Variants in PDE4D observed in about 807,000 individuals in gnomAD.
The protein encoded by PDE4D is phosphodiesterase 4D.
In PDE4D, 24 loss-of-function variants were observed where a neutral mutation model predicts 87.4. That is an observed-to-expected ratio of 0.27 (90% confidence interval 0.20 to 0.39). The LOEUF is 0.39. Among genes scored for constraint, PDE4D ranks in the 10% least tolerant of loss-of-function variants. PDE4D has a pLI of 1.00. For synonymous variants in PDE4D, 384 were observed against 383.2 expected (o/e 1.00, Z -0.02); for missense variants, 714 against 1,041.0 (o/e 0.69, Z 4.32).
intron 1 of PDE4D, among the ~76,000 whole-genome samples, chr5:59,329,683 T>C (rs779306377): frequency 6.6e-6 from 1 of 152,202 alleles, no homozygotes; most frequent in Non-Finnish European, 1.5e-5. Context: ...TTCTTCATCA[T>C]CTTGTGTTAT....
intron 1 of PDE4D, among the ~76,000 whole-genome samples, chr5:59,817,758 A>ACG (rs1285297159): frequency 7.3e-6 from 1 of 136,180 alleles, no homozygotes; most frequent in East Asian, 2.1e-4. Context: ...CCCCACACAC[A>ACG]CACAGAAAGG....
Position 60,195,582 on chromosome 5 carries a change from C to G in PDE4D, c.-89-9895G>C, listed in dbSNP as rs543716414. 2.5e-4 allele frequency among the ~76,000 whole-genome samples: 38 copies of G among 151,700 alleles called. 2 individuals are homozygous for G. The highest frequency in any genetic ancestry group is 1.6e-3 in the Admixed American group (25 of 15,206). ...CAATCTATTTTACTAATTCATTCAC[C>G]AGACATTTACTGGACACTTGTGGTA... On this transcript the variant is annotated intron_variant, in intron 1 of 16. Coordinates refer to the PDE4D transcript ENST00000502484.
rs77079954 is a variant in PDE4D, at chr5:60,254,489, C to T, written c.-89-68802G>A. On this transcript the variant is annotated intron_variant, in intron 1 of 16. Transcript: ENST00000502484. Reference sequence around the variant, plus strand: ...CATATCTTTTGCCAGAATCCATTTGCCCTGATGCCCAATCCAATGTGTCTT... The same window carrying T: ...CATATCTTTTGCCAGAATCCATTTGTCCTGATGCCCAATCCAATGTGTCTT... Among the ~76,000 whole-genome samples, 137 of 152,028 alleles carry T rather than the reference C, an allele frequency of 9.0e-4. 5 individuals carry two copies. The East Asian group carries it at 0.019, about 21-fold the overall frequency.
At chr5:59,124,917 G>A (rs974771400) in intron 5 of PDE4D, among the ~76,000 whole-genome samples, 2 of 151,604 alleles carry the variant, frequency 1.3e-5, no homozygotes, top group African/African-American at 4.8e-5. Flanking sequence ...GTTAATGTTT[G>A]TTTGTTCTAG....
chr5:60,143,603 T>TTGTGTGTGTGTGTGTGTGTG lies in PDE4D; in HGVS notation c.42+41934_42+41953dup, dbSNP rs34236719. ...AAATGACCTAGGAGCAGCTTGGGAA[T>TTGTGTGTGTGTGTGTGTGTG]TGTGTGTGTGTGTGTGTGTGTGTGT... On this transcript the variant is annotated intron_variant, in intron 2 of 16. Coordinates refer to the PDE4D transcript ENST00000502484. Among the ~76,000 whole-genome samples the TTGTGTGTGTGTGTGTGTGTG allele has an allele frequency of 3.9e-3, 455 of 117,734 alleles. 10 individuals carry two copies. Among genetic ancestry groups the TTGTGTGTGTGTGTGTGTGTG allele is most frequent in the African/African-American group, 0.014 (426 of 30,138 alleles). 77.2% of individuals were successfully genotyped at this position (117,734 alleles called of 152,430 possible). A position where few individuals can be genotyped will look rare whatever the true frequency, so the allele number is the denominator to read the frequency against.
rs181311660 is a variant in PDE4D, at chr5:59,684,673, C to T, written c.455+208495G>A. On this transcript the variant is annotated intron_variant, in intron 1 of 14. Transcript: ENST00000340635. ...AGACCTCCAACTATAGGAACTATAACCAGCAAAGGGCCCCAACTGATGCCT... is the reference window on the plus strand; with the variant it reads ...AGACCTCCAACTATAGGAACTATAATCAGCAAAGGGCCCCAACTGATGCCT... Among the ~76,000 whole-genome samples the T allele has an allele frequency of 6.6e-4, 101 of 152,314 alleles. 2 individuals carry two copies. The highest frequency in any genetic ancestry group is 2.4e-3 in the African/African-American group (99 of 41,566).
chr5:59,652,194 C>T (rs2150243843), intron 1 of PDE4D, among the ~76,000 whole-genome samples: 1 of 152,304 alleles, frequency 6.6e-6, no homozygotes, highest in African/African-American at 2.4e-5. Flanking sequence ...TACCCCATCT[C>T]TTCTTCCTCA....
At chr5:59,880,827 C>A (rs183220526) in intron 1 of PDE4D, among the ~76,000 whole-genome samples, 3 of 152,252 alleles carry the variant, frequency 2.0e-5, no homozygotes, top group Non-Finnish European at 4.4e-5. Flanking sequence ...TCCCTAAATA[C>A]ATTTTTTTCT....
At chr5:60,108,009 G>A (rs1012460440) in intron 2 of PDE4D, among the ~76,000 whole-genome samples, 5 of 152,054 alleles carry the variant, frequency 3.3e-5, no homozygotes, top group African/African-American at 1.2e-4. Flanking sequence ...TTCTGACCAG[G>A]GCAATTAAGC....
At chr5:60,251,240 A>C (rs1234938525) in intron 1 of PDE4D, among the ~76,000 whole-genome samples, 1 of 151,972 alleles carries the variant, frequency 6.6e-6, no homozygotes, top group East Asian at 1.9e-4. Flanking sequence ...TTAGGGGTAC[A>C]TGTGCAGGTT....
At chr5:59,023,330 G>T (rs1439386752) in intron 6 of PDE4D, among the ~76,000 whole-genome samples, 2 of 152,054 alleles carry the variant, frequency 1.3e-5, no homozygotes, top group African/African-American at 4.8e-5. Flanking sequence ...GTTTAACTGA[G>T]CATTAGGTTT....
intron 1 of PDE4D, among the ~76,000 whole-genome samples, chr5:59,640,170 T>C (rs1741335275): frequency 2.0e-5 from 3 of 152,134 alleles, no homozygotes; most frequent in Admixed American, 2.0e-4. Context: ...GCATAAGATA[T>C]TTGATTTTTA....
intron 3 of PDE4D, among the ~76,000 whole-genome samples, chr5:59,957,723 G>A (rs7446232): frequency 0.73 from 110,779 of 151,926 alleles, 40,607 homozygotes; most frequent in East Asian, 0.97. Context: ...ATGCTATAAC[G>A]TATTTTCTCT....
At chr5:59,841,503 T>C (rs1034786640) in intron 1 of PDE4D, among the ~76,000 whole-genome samples, 1 of 152,070 alleles carries the variant, frequency 6.6e-6, no homozygotes, top group Non-Finnish European at 1.5e-5. Flanking sequence ...TCATTACATA[T>C]ACTAACTCAT....
intron 1 of PDE4D, among the ~76,000 whole-genome samples, chr5:60,255,598 G>A (rs1748962405): frequency 6.6e-6 from 1 of 151,734 alleles, no homozygotes; most frequent in Non-Finnish European, 1.5e-5. Context: ...TTTATAAATG[G>A]ACATAAGTAT....
rs531410497 is a variant in PDE4D at position 59,373,319 on chromosome 5, T to TA, written c.456-157352dup. Among the ~76,000 whole-genome samples the TA allele has an allele frequency of 1.6e-3, 240 of 152,240 alleles. 1 individual carries two copies. The highest frequency in any genetic ancestry group is 5.6e-3 in the African/African-American group (231 of 41,530). On this transcript the variant is annotated intron_variant, in intron 1 of 14. Coordinates refer to ENST00000340635, the MANE Select transcript of PDE4D (RefSeq NM_001104631.2). Reference sequence around the variant, plus strand: ...CAGGAACTGACAGACAAACAGCCAGTATAGACAAGAATGTCACCAACCTGA... The same window carrying TA: ...CAGGAACTGACAGACAAACAGCCAGTAATAGACAAGAATGTCACCAACCTGA...
In PDE4D at chr5:59,360,020, C is replaced by T. The variant is rs576359304; in HGVS notation, c.456-144052G>A. ...ATGTTCTGCAGAGCTCTAAATAAGGCATCGTTTTTGCCTCTTGAATATTTC... is the reference window on the plus strand; with the variant it reads ...ATGTTCTGCAGAGCTCTAAATAAGGTATCGTTTTTGCCTCTTGAATATTTC... On this transcript the variant is annotated intron_variant, in intron 1 of 14. Transcript: ENST00000340635. Among the ~76,000 whole-genome samples, 7 of 152,254 alleles carry T rather than the reference C, an allele frequency of 4.6e-5. No homozygotes were observed. The South Asian group carries it at 1.4e-3, about 32-fold the overall frequency.
chr5:59,914,532 ATGTATG>A (rs1753789290), intron 3 of PDE4D, among the ~76,000 whole-genome samples: 1 of 110,676 alleles, frequency 9.0e-6, no homozygotes, highest in East Asian at 3.7e-4. Context: ...AGCCAGGAAG[ATGTATG>A]TGTGTGTGTG....
At chr5:59,426,998 TACACACACACACAC>T (rs3061709) in intron 1 of PDE4D, among the ~76,000 whole-genome samples, 20,326 of 125,044 alleles carry the variant, frequency 0.16, 2,441 homozygotes, top group African/African-American at 0.37. Flanking sequence ...CTTGAAGCTA[TACACACACACACAC>T]ACACACACAC....
Sources: gnomAD v4.1 joint callset for allele counts (sites outside exome capture counted in the v4.1 genomes callset) on GRCh38, gnomAD v4.1.1 for gene constraint, MANE v1.5 for transcripts, NCBI Gene and HGNC (gene_info 2026-07-23, HGNC 2026-07-21) for gene names.